HELZ: variants seen among roughly 807,000 people sequenced by gnomAD.
The protein encoded by HELZ is helicase with zinc finger.
Under a neutral mutation model 218.2 loss-of-function variants are expected in HELZ, and 23 were observed. The ratio of observed to expected loss-of-function variants is 0.11; its 90% CI spans 0.08 to 0.15. HELZ has a LOEUF of 0.15. Ranked by LOEUF, HELZ falls within the 10% of genes least tolerant of loss-of-function variation. The pLI is 1.00. For missense variants in HELZ, 1,813 were observed against 2,353.7 expected (o/e 0.77, Z 4.75); for synonymous variants, 814 against 829.4 (o/e 0.98, Z 0.32).
In HELZ at chr17:67,178,863, G is replaced by A; in HGVS notation, c.1226C>T (p.Ser409Phe). The change falls in exon 13 of 33, where the codon TCC (serine) becomes TTC (phenylalanine). Residue 409 changes from serine (S) to phenylalanine (F), a missense_variant. Physicochemically the swap from Ser to Phe is radical, Grantham distance 155. This residue lies in a region of HELZ where 714 missense variants were observed against 1,029.2 expected (regional missense o/e 0.69). Transcript: ENST00000358691. Reference sequence around the variant, plus strand: ...TTCAAAATCTATAATAGTCTTAGAGGAAGAATCCCAACGTTTAGCTGTGGT... The same window carrying A: ...TTCAAAATCTATAATAGTCTTAGAGAAAGAATCCCAACGTTTAGCTGTGGT... ...LVTTAKRWDSSSKTIIDFEPN... is the reference protein window; with the variant it reads ...LVTTAKRWDSFSKTIIDFEPN... The A allele has an allele frequency of 1.2e-6, 2 of 1,612,840 alleles. No individual in the cohort carries two copies. Among genetic ancestry groups the A allele is most frequent in the Non-Finnish European group, 1.7e-6 (2 of 1,179,012 alleles).
intron 12 of HELZ, among the ~76,000 whole-genome samples, chr17:67,182,262 C>T (rs1259513755): frequency 2.0e-5 from 3 of 151,784 alleles, no homozygotes; most frequent in East Asian, 1.9e-4. Context: ...GTCAACATGG[C>T]GAAACCCCAT....
chr17:67,213,916 G>A (rs2040522189), intron 5 of HELZ, among the ~76,000 whole-genome samples: 1 of 152,160 alleles, frequency 6.6e-6, no homozygotes, highest in African/African-American at 2.4e-5. Flanking sequence ...CAAGGTGCTA[G>A]GTGATGATCA....
chr17:67,150,837 A>G (rs2038660653), intron 18 of HELZ, among the ~76,000 whole-genome samples: 1 of 152,224 alleles, frequency 6.6e-6, no homozygotes, highest in Non-Finnish European at 1.5e-5. Context: ...GGACCATATA[A>G]TGAATCTCTG....
chr17:67,186,415 G>A (rs1017583129), intron 12 of HELZ, among the ~76,000 whole-genome samples: 10 of 152,004 alleles, frequency 6.6e-5, no homozygotes, highest in Admixed American at 3.3e-4. Flanking sequence ...GCAATAAGTC[G>A]AAAATCAGGA....
chr17:67,087,208 A>C, intron 31 of HELZ, 127 bp from the exon 32 acceptor site: 1 of 847,288 alleles, frequency 1.2e-6, no homozygotes, highest in South Asian at 1.8e-5. Context: ...TGACTGTGAA[A>C]CCCTCCCTCC....
chr17:67,118,867 T>C (rs909252093), intron 27 of HELZ, among the ~76,000 whole-genome samples: 4 of 151,974 alleles, frequency 2.6e-5, no homozygotes, highest in Non-Finnish European at 5.9e-5. Flanking sequence ...TCAAACAAGA[T>C]ACACACATGG....
chr17:67,152,546 G>A (rs2038716706), intron 17 of HELZ, among the ~76,000 whole-genome samples: 1 of 152,138 alleles, frequency 6.6e-6, no homozygotes, highest in Admixed American at 6.5e-5. Flanking sequence ...GATAAATGGT[G>A]ATGGCGTTTG....
intron 32 of HELZ, among the ~76,000 whole-genome samples, chr17:67,084,244 G>A (rs1185131896): frequency 6.6e-6 from 1 of 152,174 alleles, no homozygotes; most frequent in African/African-American, 2.4e-5. Flanking sequence ...AGAAAATAAT[G>A]ACTTTATATT....
chr17:67,086,625 A>ATAT (rs2036385867), intron 32 of HELZ, among the ~76,000 whole-genome samples: 5 of 38,542 alleles, frequency 1.3e-4, no homozygotes, highest in Non-Finnish European at 1.8e-4. Flanking sequence ...AATAAATATA[A>ATAT]ATATAAATAT....
chr17:67,122,245 CA>C (rs928424161), intron 26 of HELZ, among the ~76,000 whole-genome samples: 2 of 151,910 alleles, frequency 1.3e-5, no homozygotes, highest in Admixed American at 6.6e-5. Flanking sequence ...TCTACCAATA[CA>C]AAAAATTAGC....
At chr17:67,160,148 T>C (rs2038955958) in intron 17 of HELZ, 113 bp downstream of exon 17, 1 of 667,790 alleles carries the variant, frequency 1.5e-6, no homozygotes, top group Non-Finnish European at 2.6e-6. Context: ...AACCTCTAAA[T>C]GTCAATGCAT....
intron 16 of HELZ, 39 bp downstream of exon 16, chr17:67,160,858 C>T (rs764147294): frequency 3.5e-6 from 5 of 1,421,116 alleles, no homozygotes; most frequent in Admixed American, 2.0e-5. Context: ...GAGGTAGTAT[C>T]CTACCAGGGA....
intron 25 of HELZ, 133 bp from the exon 26 acceptor site, chr17:67,123,293 G>C: frequency 3.9e-6 from 2 of 507,926 alleles, no homozygotes; most frequent in Non-Finnish European, 6.5e-6. Flanking sequence ...AGAATTATCA[G>C]TGTGGAAAAG....
At chr17:67,153,757 A>C (rs930392865) in intron 17 of HELZ, among the ~76,000 whole-genome samples, 5 of 152,254 alleles carry the variant, frequency 3.3e-5, no homozygotes, top group African/African-American at 1.2e-4. Flanking sequence ...ACACTGCACA[A>C]ATGCAAAAAG....
chr17:67,194,465 GAGA>G (rs1314592267), intron 8 of HELZ, among the ~76,000 whole-genome samples: 3 of 152,180 alleles, frequency 2.0e-5, no homozygotes, highest in Non-Finnish European at 4.4e-5. Flanking sequence ...ACTGCACAGT[GAGA>G]AGAAGTTCCA....
In HELZ at chr17:67,181,848, A is replaced by G. The variant is rs566872109; in HGVS notation, c.1163-2922T>C. 5.3e-5 allele frequency among the ~76,000 whole-genome samples: 8 copies of G among 152,284 alleles called. No homozygotes were observed. In the South Asian group the frequency reaches 1.4e-3, roughly 28 times the overall value. The stretch of plus-strand genomic sequence containing the variant: ...ATGCAAAACCCATTTCTCTTTCCCT[A>G]CTTCATCTGAATTTGAGTCAAACTT... On this transcript the variant is annotated intron_variant, in intron 12 of 32. Transcript: ENST00000358691.
intron 21 of HELZ, among the ~76,000 whole-genome samples, chr17:67,138,444 T>C (rs946077754): frequency 2.0e-5 from 3 of 152,132 alleles, no homozygotes; most frequent in African/African-American, 7.2e-5. Context: ...GCCATGATTC[T>C]AGGGAAGGCA....
chr17:67,151,619 AACTATTTATGCTAACAAAAAAC>A (rs1223569620), intron 17 of HELZ, among the ~76,000 whole-genome samples: 1 of 152,350 alleles, frequency 6.6e-6, no homozygotes, highest in East Asian at 1.9e-4. Flanking sequence ...CTCATATTTT[AACTATTTATGCTAACAAAAAAC>A]AGTGAATTGC....
intron 3 of HELZ, chr17:67,224,211 G>A (rs1474876410): frequency 1.9e-5 from 3 of 155,712 alleles, no homozygotes; most frequent in Non-Finnish European, 4.3e-5. Flanking sequence ...ACTCGCTGAG[G>A]CTTCTGGGAA....
Sources: allele counts gnomAD v4.1 joint callset (sites outside exome capture counted in the v4.1 genomes callset), GRCh38; gene constraint gnomAD v4.1.1; regional missense constraint gnomAD v4.1.1; transcripts MANE v1.5; gene names NCBI Gene and HGNC (gene_info 2026-07-23, HGNC 2026-07-21).